ESRRB: variants seen among roughly 807,000 people sequenced by gnomAD.
ESRRB encodes the protein steroid hormone receptor ERR2.
A neutral mutation model predicts 46.0 loss-of-function variants in ESRRB; 16 were observed. The ratio of observed to expected loss-of-function variants is 0.35; its 90% CI spans 0.24 to 0.53. The LOEUF is 0.53. Among genes scored for constraint, ESRRB ranks in the 20% least tolerant of loss-of-function variants. The probability of loss-of-function intolerance (pLI) is 0.93; values close to 1 mark genes in which losing one functional copy is unlikely to be tolerated. For missense variants in ESRRB, 488 were observed against 607.4 expected (o/e 0.80, Z 2.07); for synonymous variants, 246 against 259.6 (o/e 0.95, Z 0.50).
chr14:76,407,422 C>T (rs189432035), intron 1 of ESRRB: 48 of 450,714 alleles, frequency 1.1e-4, no homozygotes, highest in Non-Finnish European at 1.4e-4. Context: ...GTTTGAGGGC[C>T]GAAGAGCCTG....
At chr14:76,354,687 T>C (rs558006127) in intron 1 of ESRRB, among the ~76,000 whole-genome samples, 104 of 148,766 alleles carry the variant, frequency 7.0e-4, no homozygotes, top group Admixed American at 6.7e-3. Context: ...GTGCCTCATT[T>C]GTGTAGGTAG....
chr14:76,458,425 GACACACACAC>G (rs58562150), intron 2 of ESRRB, among the ~76,000 whole-genome samples: 8,344 of 134,840 alleles, frequency 0.062, 769 homozygotes, highest in African/African-American at 0.21. Flanking sequence ...CTCTCTCTCT[GACACACACAC>G]ACACACACAC....
intron 1 of ESRRB, among the ~76,000 whole-genome samples, chr14:76,362,253 T>C (rs1884473296): frequency 6.6e-6 from 1 of 152,150 alleles, no homozygotes; most frequent in Non-Finnish European, 1.5e-5. Context: ...TGTGGAAACA[T>C]GGGCAGCGAG....
chr14:76,399,216 C>A (rs1885831991), intron 1 of ESRRB, among the ~76,000 whole-genome samples: 1 of 152,130 alleles, frequency 6.6e-6, no homozygotes, highest in Admixed American at 6.5e-5. Flanking sequence ...GCGTATATAT[C>A]TTTATTTAAA....
At chr14:76,469,926 GTTGTTTTTTTTTTTTTTCTTT>G (rs1304517721) in intron 3 of ESRRB, among the ~76,000 whole-genome samples, 41 of 67,646 alleles carry the variant, frequency 6.1e-4, no homozygotes, top group Non-Finnish European at 1.1e-3. Flanking sequence ...TGTGTTTTTT[GTTGTTTTTTTTTTTTTTCTTT>G]TTTTTTTTTT....
rs370483991 is a variant in ESRRB at position 76,342,548 on chromosome 14, G to C, written c.2+31632G>C. On this transcript the variant is annotated intron_variant, in intron 1 of 6. Transcript: ENST00000512784. ...TGCTGTGGTCATCTCCACTCGTTCA[G>C]GTGAGGAGCCTGAAGCTCAGACAGG... Among the ~76,000 whole-genome samples, 6 of 152,210 alleles carry C rather than the reference G, an allele frequency of 3.9e-5. No homozygotes were observed. The South Asian group carries it at 1.2e-3, about 32-fold the overall frequency.
chr14:76,386,097 C>T (rs1885215649), intron 1 of ESRRB, among the ~76,000 whole-genome samples: 1 of 152,148 alleles, frequency 6.6e-6, no homozygotes, highest in South Asian at 2.1e-4. Context: ...CTTGAACTGA[C>T]TACTTTGTTT....
chr14:76,445,978 G>A (rs926041314), intron 2 of ESRRB, among the ~76,000 whole-genome samples: 8 of 152,130 alleles, frequency 5.3e-5, no homozygotes, highest in Non-Finnish European at 1.0e-4. Flanking sequence ...GAGCCACTGC[G>A]TCCAATCCAC....
intron 3 of ESRRB, among the ~76,000 whole-genome samples, chr14:76,480,542 AC>A (rs1889766817): frequency 6.6e-6 from 1 of 152,228 alleles, no homozygotes; most frequent in South Asian, 2.1e-4. Flanking sequence ...GAACATCCTA[AC>A]AAAGAAACAG....
At chr14:76,435,556 G>A (rs764031137) in intron 1 of ESRRB, among the ~76,000 whole-genome samples, 1 of 152,262 alleles carries the variant, frequency 6.6e-6, no homozygotes, top group African/African-American at 2.4e-5. Flanking sequence ...GAGGCGGGGT[G>A]TGGTGGCTCA....
At chr14:76,345,938 C>T (rs909467115) in intron 1 of ESRRB, among the ~76,000 whole-genome samples, 1 of 152,150 alleles carries the variant, frequency 6.6e-6, no homozygotes, top group Non-Finnish European at 1.5e-5. Flanking sequence ...CTTCAAACAA[C>T]AGAAATGGAT....
chr14:76,486,814 C>G (rs1271621235), intron 5 of ESRRB, among the ~76,000 whole-genome samples: 3 of 152,264 alleles, frequency 2.0e-5, no homozygotes, highest in East Asian at 1.9e-4. Context: ...CACGGGGCAC[C>G]CCCAGACCCT....
At chr14:76,411,012 G>T (rs1160196118) in intron 1 of ESRRB, among the ~76,000 whole-genome samples, 1 of 151,692 alleles carries the variant, frequency 6.6e-6, no homozygotes, top group Non-Finnish European at 1.5e-5. Context: ...TTGAACTCCT[G>T]ATCTCAGGTG....
rs1384707734 is a variant in ESRRB at position 76,439,654 on chromosome 14, C to T, written c.364C>T (p.Arg122Cys). The T allele has an allele frequency of 6.2e-7, 1 of 1,614,256 alleles. No homozygotes were observed. Among genetic ancestry groups the T allele is most frequent in the Non-Finnish European group, 8.5e-7 (1 of 1,180,048 alleles). Residue 122 changes from arginine (R) to cysteine (C), a missense_variant, in exon 2 of 7, where the codon CGC becomes TGC. Transcript: ENST00000644823. ...GTACATGCTCAACGCCATCCCCAAG[C>T]GCCTGTGCCTCGTGTGCGGGGACAT... ...CEYMLNAIPK[R>C]LCLVCGDIAS... is the part of the protein sequence containing the mutation.
chr14:76,385,761 A>G (rs1200155810), intron 1 of ESRRB, among the ~76,000 whole-genome samples: 1 of 152,246 alleles, frequency 6.6e-6, no homozygotes, highest in African/African-American at 2.4e-5. Flanking sequence ...CCTTTGCATT[A>G]TGAATAAGCC....
intron 1 of ESRRB, among the ~76,000 whole-genome samples, chr14:76,436,883 C>T (rs1486617526): frequency 6.6e-6 from 1 of 152,154 alleles, no homozygotes; most frequent in Non-Finnish European, 1.5e-5. Flanking sequence ...TCACACACTG[C>T]ATTTTGGGAG....
At chr14:76,399,378 C>T (rs1182646853) in intron 1 of ESRRB, among the ~76,000 whole-genome samples, 2 of 152,066 alleles carry the variant, frequency 1.3e-5, no homozygotes, top group Non-Finnish European at 2.9e-5. Flanking sequence ...AATCCCAACT[C>T]CCTGAATCAA....
At chr14:76,360,106 T>C (rs1045736965) in intron 1 of ESRRB, among the ~76,000 whole-genome samples, 1 of 152,336 alleles carries the variant, frequency 6.6e-6, no homozygotes, top group Non-Finnish European at 1.5e-5. Context: ...GTGGGATGCC[T>C]GTGCCAGGGA....
At chr14:76,456,038 G>GCGCACACACA (rs1555399437) in intron 2 of ESRRB, among the ~76,000 whole-genome samples, 55 of 137,290 alleles carry the variant, frequency 4.0e-4, no homozygotes, top group African/African-American at 1.5e-3. Context: ...AGCGAAACTC[G>GCGCACACACA]CACACACACA....
Sources: gnomAD v4.1 joint callset for allele counts (sites outside exome capture counted in the v4.1 genomes callset) on GRCh38, gnomAD v4.1.1 for gene constraint, MANE v1.5 for transcripts, NCBI Gene and HGNC (gene_info 2026-07-23, HGNC 2026-07-21) for gene names.